Variants in TG observed in about 807,000 individuals in gnomAD.
The protein encoded by TG is thyroglobulin.
TG carries 270 observed loss-of-function variants against 324.7 expected under a neutral mutation model. The observed-to-expected ratio is 0.83, with a 90% CI of 0.75 to 0.92. TG has a LOEUF of 0.92. Among genes scored for constraint, TG ranks in the 40% least tolerant of loss-of-function variants. The probability of loss-of-function intolerance (pLI) is 0.00; values close to 1 mark genes in which losing one functional copy is unlikely to be tolerated. For synonymous variants in TG, 1,401 were observed against 1,327.0 expected, an observed-to-expected ratio of 1.06 and a Z score of -1.21; for missense variants, 3,591 against 3,456.4, an observed-to-expected ratio of 1.04 and a Z score of -0.98.
intron 35 of TG, among the ~76,000 whole-genome samples, chr8:133,007,169 T>C (rs1161010571): frequency 6.6e-6 from 1 of 152,208 alleles, no homozygotes; most frequent in South Asian, 2.1e-4. Flanking sequence ...TTTAGGCCTT[T>C]AAAATTATGG....
At chr8:133,073,827 C>T (rs569096024) in intron 41 of TG, among the ~76,000 whole-genome samples, 12 of 152,268 alleles carry the variant, frequency 7.9e-5, no homozygotes, top group South Asian at 4.1e-4. Flanking sequence ...CCACCAGCTC[C>T]GTGACTTGGA....
chr8:132,882,727 G>A, intron 7 of TG, 87 bp from the exon 8 acceptor site: 2 of 1,612,144 alleles, frequency 1.2e-6, no homozygotes, highest in Admixed American at 3.3e-5. Context: ...GAGATGAAAA[G>A]AATCGTTAAG....
chr8:133,129,230 C>A (rs1433936852), intron 45 of TG, among the ~76,000 whole-genome samples: 1 of 152,214 alleles, frequency 6.6e-6, no homozygotes, highest in Non-Finnish European at 1.5e-5. Context: ...TCCTCATACA[C>A]AACAGGCTCT....
chr8:133,131,739 T>C, intron 45 of TG, 73 bp from the exon 46 acceptor site: 1 of 1,592,350 alleles, frequency 6.3e-7, no homozygotes, highest in East Asian at 2.2e-5. Context: ...AATATTTTTG[T>C]TTGTGTGTTT....
At chr8:132,892,764 G>A (rs1445648887) in intron 10 of TG, among the ~76,000 whole-genome samples, 24 of 151,320 alleles carry the variant, frequency 1.6e-4, no homozygotes, top group Non-Finnish European at 2.9e-5. Flanking sequence ...TTATGTGTGT[G>A]GTATGTGCAT....
At position 132,971,824 on chromosome 8, in the gene TG, G is replaced by A. The variant is rs1346786298; in HGVS notation, c.6006G>A (p.Ala2002=). ...GFFECERRCD[A]DPCCTGFGFL... is the part of the protein sequence containing the mutation. Reference sequence around the variant, plus strand: ...TTGAATGTGAACGACGGTGCGATGCGGACCCATGCTGCACTGGCTTTGGAT... The same window carrying A: ...TTGAATGTGAACGACGGTGCGATGCAGACCCATGCTGCACTGGCTTTGGAT... Residue 2002 remains alanine, a synonymous_variant, in exon 33 of 48, where the codon GCG becomes GCA. Coordinates refer to ENST00000220616, the MANE Select transcript of TG (RefSeq NM_003235.5). 11 of 1,613,618 alleles carry A rather than the reference G, an allele frequency of 6.8e-6. No individual in the cohort carries two copies. The highest frequency in any genetic ancestry group is 4.0e-5 in the African/African-American group (3 of 74,866).
chr8:133,042,712 G>A (rs1031712929), intron 41 of TG, among the ~76,000 whole-genome samples: 4 of 31,196 alleles, frequency 1.3e-4, no homozygotes, highest in Non-Finnish European at 2.2e-4. Flanking sequence ...TTTTTTTTGT[G>A]AGATGGAGTC....
chr8:132,897,854 C>A, intron 12 of TG, 68 bp downstream of exon 12: 1 of 1,587,308 alleles, frequency 6.3e-7, no homozygotes, highest in South Asian at 1.1e-5. Context: ...GACAGAGCCC[C>A]ACACTGGGAG....
At chr8:132,884,573 G>A (rs568572918) in intron 8 of TG, among the ~76,000 whole-genome samples, 8 of 152,248 alleles carry the variant, frequency 5.3e-5, no homozygotes, top group Non-Finnish European at 5.9e-5. Context: ...TATTCTATCT[G>A]CTAAGTGTGA....
chr8:132,895,919 C>T (rs143815140), intron 11 of TG, among the ~76,000 whole-genome samples: 27 of 152,336 alleles, frequency 1.8e-4, no homozygotes, highest in African/African-American at 6.0e-4. Flanking sequence ...CCACATGCTC[C>T]GCTTTGCATG....
chr8:132,941,277 G>A (rs1824406572), intron 25 of TG, 74 bp from the exon 26 acceptor site: 1 of 1,575,972 alleles, frequency 6.3e-7, no homozygotes, highest in Non-Finnish European at 8.7e-7. Context: ...AAACTGTCCT[G>A]TGAGATCAGT....
At chr8:132,948,427 G>A (rs561600394) in intron 26 of TG, among the ~76,000 whole-genome samples, 2 of 152,148 alleles carry the variant, frequency 1.3e-5, no homozygotes, top group South Asian at 2.1e-4. Flanking sequence ...AAATCACCCC[G>A]TTCAGCAGGT....
chr8:133,130,575 G>A (rs530450028), intron 45 of TG, among the ~76,000 whole-genome samples: 4 of 152,134 alleles, frequency 2.6e-5, no homozygotes, highest in Non-Finnish European at 4.4e-5. Flanking sequence ...GCAGGAAAAC[G>A]GGGGCCTGGG....
intron 3 of TG, among the ~76,000 whole-genome samples, chr8:132,870,508 T>C (rs993629073): frequency 6.6e-6 from 1 of 151,312 alleles, no homozygotes; most frequent in Non-Finnish European, 1.5e-5. Context: ...GATGTGAGGA[T>C]TTAGAACACG....
intron 5 of TG, among the ~76,000 whole-genome samples, chr8:132,874,501 G>C (rs1257326906): frequency 6.6e-6 from 1 of 152,178 alleles, no homozygotes; most frequent in Non-Finnish European, 1.5e-5. Context: ...TGCAAAGACT[G>C]ATATGAATTC....
At chr8:133,079,583 A>T (rs1010699027) in intron 41 of TG, among the ~76,000 whole-genome samples, 3 of 152,184 alleles carry the variant, frequency 2.0e-5, no homozygotes, top group Non-Finnish European at 4.4e-5. Context: ...AAGGCAATTC[A>T]GCATCATGCG....
chr8:133,097,502 G>C (rs1379041448), intron 43 of TG, among the ~76,000 whole-genome samples: 1 of 152,184 alleles, frequency 6.6e-6, no homozygotes, highest in East Asian at 1.9e-4. Context: ...GAATGAGCTA[G>C]ATTTATCTCT....
At chr8:132,990,447 C>T (rs1350628616) in intron 35 of TG, among the ~76,000 whole-genome samples, 2 of 152,024 alleles carry the variant, frequency 1.3e-5, no homozygotes, top group Admixed American at 6.6e-5. Flanking sequence ...TCCAAATCCT[C>T]TCTCCTAGAG....
chr8:133,033,388 CATCCTGTG>C (rs1836809072), intron 41 of TG, among the ~76,000 whole-genome samples: 1 of 152,168 alleles, frequency 6.6e-6, no homozygotes, highest in Admixed American at 6.5e-5. Context: ...TGCAAACATG[CATCCTGTG>C]GCTGTGTCCC....
Sources: gnomAD v4.1 joint callset for allele counts (sites outside exome capture counted in the v4.1 genomes callset) on GRCh38, gnomAD v4.1.1 for gene constraint, MANE v1.5 for transcripts, NCBI Gene and HGNC (gene_info 2026-07-23, HGNC 2026-07-21) for gene names.